RHOBTB3: variants seen among roughly 807,000 people sequenced by gnomAD.
RHOBTB3 encodes rho-related BTB domain-containing protein 3.
RHOBTB3 carries 47 observed loss-of-function variants against 67.2 expected under a neutral mutation model. The observed-to-expected ratio is 0.70, with a 90% CI of 0.55 to 0.89. RHOBTB3 has a LOEUF of 0.89. Among genes scored for constraint, RHOBTB3 ranks in the 40% least tolerant of loss-of-function variants. RHOBTB3 has a pLI of 0.00. For missense variants in RHOBTB3, 631 were observed against 750.0 expected (o/e 0.84, Z 1.85); for synonymous variants, 273 against 274.2 (o/e 1.00, Z 0.04).
chr5:95,766,641 G>A (rs561120053), intron 7 of RHOBTB3, among the ~76,000 whole-genome samples: 2 of 151,364 alleles, frequency 1.3e-5, no homozygotes, highest in East Asian at 3.9e-4. Context: ...AAAGAAAAAA[G>A]GGTGGAGGGT....
chr5:95,737,282 T>A (rs1243374611), intron 3 of RHOBTB3, among the ~76,000 whole-genome samples: 1 of 152,156 alleles, frequency 6.6e-6, no homozygotes, highest in East Asian at 1.9e-4. Context: ...TTCCACTGGG[T>A]GCAAATCTGT....
chr5:95,765,483 C>T (rs1003305065), intron 7 of RHOBTB3, among the ~76,000 whole-genome samples: 1 of 152,166 alleles, frequency 6.6e-6, no homozygotes, highest in African/African-American at 2.4e-5. Flanking sequence ...GGGGCTGTCT[C>T]ATTTACTGAG....
rs571722767 is a variant in RHOBTB3, at chr5:95,737,121, A to G, written c.415+46A>G. On this transcript the variant is annotated intron_variant, in intron 3 of 11. Transcript: ENST00000379982. Reference sequence around the variant, plus strand: ...TTTGTAGTGAGCATGCAAATATTATATATACTTTAAATAGTGCTAAGTTTA... The same window carrying G: ...TTTGTAGTGAGCATGCAAATATTATGTATACTTTAAATAGTGCTAAGTTTA... 4 of 1,246,278 alleles carry G rather than the reference A, an allele frequency of 3.2e-6. No homozygotes were observed. In the East Asian group the frequency reaches 7.2e-5, roughly 22 times the overall value. The allele number at this position is 1,246,278 out of a possible 1,614,324, so 77.2% of individuals were successfully genotyped here.
chr5:95,778,118 C>T (rs1297286675), intron 8 of RHOBTB3, among the ~76,000 whole-genome samples: 1 of 136,518 alleles, frequency 7.3e-6, no homozygotes, highest in Non-Finnish European at 1.6e-5. Flanking sequence ...GACTCTATCT[C>T]AAAAAAAAAA....
intron 1 of RHOBTB3, among the ~76,000 whole-genome samples, chr5:95,721,983 T>C (rs1754897994): frequency 6.6e-6 from 1 of 152,206 alleles, no homozygotes; most frequent in African/African-American, 2.4e-5. Flanking sequence ...CATTTTTAAC[T>C]GTAGACAGGA....
rs1746476833 is a variant in RHOBTB3, at chr5:95,793,335, T to G, written c.*161T>G. 1.9e-6 allele frequency: 1 copy of G among 513,946 alleles called. No homozygotes were observed. The highest frequency in any genetic ancestry group is 3.8e-5 in the Admixed American group (1 of 26,448). The allele number at this position is 513,946 out of a possible 1,614,324, so 31.8% of individuals were successfully genotyped here. On this transcript the variant is annotated 3_prime_UTR_variant, in exon 12 of 12. Coordinates refer to ENST00000379982, the MANE Select transcript of RHOBTB3 (RefSeq NM_014899.4). ...GTTCTCTTTGGAAAAAAACTACCAC[T>G]GTGGTCTTAAAAGGGAACAAAATAT...
intron 11 of RHOBTB3, 167 bp downstream of exon 11, chr5:95,789,025 T>A: frequency 1.9e-6 from 1 of 528,336 alleles, no homozygotes. Context: ...TATAGTCACC[T>A]GTGTTACATA....
At chr5:95,739,101 C>G (rs936759804) in intron 3 of RHOBTB3, among the ~76,000 whole-genome samples, 2 of 152,210 alleles carry the variant, frequency 1.3e-5, no homozygotes, top group Non-Finnish European at 2.9e-5. Context: ...GTCTCTCTGG[C>G]TTTAGTCTTG....
chr5:95,767,061 A>G (rs1440607682), intron 7 of RHOBTB3, among the ~76,000 whole-genome samples: 2 of 152,152 alleles, frequency 1.3e-5, no homozygotes, highest in East Asian at 3.9e-4. Context: ...TCTACAAAAA[A>G]TCAGCTGGGC....
chr5:95,723,326 A>C (rs1189403053), intron 1 of RHOBTB3, among the ~76,000 whole-genome samples: 1 of 152,240 alleles, frequency 6.6e-6, no homozygotes, highest in Non-Finnish European at 1.5e-5. Context: ...CTAGATTCTC[A>C]CTTGGACTTC....
At chr5:95,728,590 G>A (rs779730523), upstream of RHOBTB3, among the ~76,000 whole-genome samples, 5 of 152,124 alleles carry the variant, frequency 3.3e-5, no homozygotes, top group Non-Finnish European at 7.3e-5. Flanking sequence ...GACTGCCTAG[G>A]CCTAGGTCTA....
intron 8 of RHOBTB3, among the ~76,000 whole-genome samples, chr5:95,771,705 C>T (rs1451845641): frequency 3.3e-5 from 5 of 152,162 alleles, no homozygotes; most frequent in Non-Finnish European, 5.9e-5. Context: ...AGGTAGGACA[C>T]GCCTAGTCAG....
intron 8 of RHOBTB3, chr5:95,769,386 GAGA>G: frequency 2.7e-6 from 1 of 376,914 alleles, no homozygotes; most frequent in Non-Finnish European, 5.2e-6. Flanking sequence ...GAAAGTCTTC[GAGA>G]AGATTACCAG....
At chr5:95,783,226 A>AT (rs1473746288) in intron 9 of RHOBTB3, among the ~76,000 whole-genome samples, 1 of 151,278 alleles carries the variant, frequency 6.6e-6, no homozygotes, top group Admixed American at 6.6e-5. Flanking sequence ...GGTTTTAGTG[A>AT]TTTTCCTGCC....
chr5:95,718,664 A>G (rs1188001480), intron 1 of RHOBTB3, among the ~76,000 whole-genome samples: 2 of 152,226 alleles, frequency 1.3e-5, no homozygotes, highest in African/African-American at 4.8e-5. Flanking sequence ...TTTCTACAGC[A>G]ATATTTTACA....
rs1382803676 is a variant in RHOBTB3 at position 95,794,040 on chromosome 5, G to C, written c.*866G>C. The C allele has an allele frequency of 2.2e-6, 1 of 456,232 alleles. No individual in the cohort carries two copies. The highest frequency in any genetic ancestry group is 4.4e-6 in the Non-Finnish European group (1 of 226,936). 28.3% of individuals were successfully genotyped at this position (456,232 alleles called of 1,614,324 possible). On this transcript the variant is annotated 3_prime_UTR_variant, in exon 12 of 12. Transcript: ENST00000379982. Reference sequence around the variant, plus strand: ...GCAGAAAAAGGCACTGATATAAAGGGAAGAGAAGGAGGCTCACCGGAGGGA... The same window carrying C: ...GCAGAAAAAGGCACTGATATAAAGGCAAGAGAAGGAGGCTCACCGGAGGGA...
At chr5:95,783,406 G>C (rs1228535645) in intron 9 of RHOBTB3, among the ~76,000 whole-genome samples, 2 of 151,482 alleles carry the variant, frequency 1.3e-5, no homozygotes, top group African/African-American at 4.8e-5. Flanking sequence ...ACAGGTGTGA[G>C]CCACTGCGCC....
intron 9 of RHOBTB3, 81 bp from the exon 10 acceptor site, chr5:95,783,715 GT>G: frequency 8.2e-7 from 1 of 1,213,858 alleles, no homozygotes; most frequent in Non-Finnish European, 1.2e-6. Context: ...TTTAATTGTT[GT>G]TTTTTGTTGG....
chr5:95,723,410 T>C (rs1754955707), intron 1 of RHOBTB3, among the ~76,000 whole-genome samples: 1 of 152,198 alleles, frequency 6.6e-6, no homozygotes, highest in South Asian at 2.1e-4. Context: ...GTAGTCTCCT[T>C]CTCTGGGAAG....
Sources: gnomAD v4.1 joint callset for allele counts (sites outside exome capture counted in the v4.1 genomes callset) on GRCh38, gnomAD v4.1.1 for gene constraint, MANE v1.5 for transcripts, NCBI Gene and HGNC (gene_info 2026-07-23, HGNC 2026-07-21) for gene names.